DIP2C: variants seen among roughly 807,000 people sequenced by gnomAD.
The protein encoded by DIP2C is DIP2 acetate--CoA ligase C (putative).
A neutral mutation model predicts 192.4 loss-of-function variants in DIP2C; 33 were observed. The ratio of observed to expected loss-of-function variants is 0.17; its 90% CI spans 0.13 to 0.23. The LOEUF is 0.23. DIP2C is among the 10% of genes least tolerant of loss of function. The probability of loss-of-function intolerance (pLI) is 1.00; values close to 1 mark genes in which losing one functional copy is unlikely to be tolerated. For synonymous variants in DIP2C, 979 were observed against 864.1 expected (o/e 1.13, Z -2.33); for missense variants, 1,537 against 2,110.1 (o/e 0.73, Z 5.32).
At chr10:388,256 TA>T (rs1452719976) in intron 13 of DIP2C, among the ~76,000 whole-genome samples, 2 of 151,860 alleles carry the variant, frequency 1.3e-5, no homozygotes, top group South Asian at 2.1e-4. Context: ...GGAGCTGCAA[TA>T]AAAAAAGGAG....
chr10:623,035 A>ATGAT (rs762855112), intron 1 of DIP2C, among the ~76,000 whole-genome samples: 1 of 152,364 alleles, frequency 6.6e-6, no homozygotes, highest in Non-Finnish European at 1.5e-5. Flanking sequence ...TCACAGAGGA[A>ATGAT]TGATTCTGTG....
chr10:674,249 C>T (rs1244450277), intron 1 of DIP2C, among the ~76,000 whole-genome samples: 1 of 152,084 alleles, frequency 6.6e-6, no homozygotes, highest in Non-Finnish European at 1.5e-5. Flanking sequence ...ATAGACTAAA[C>T]ATGAAGGATG....
intron 32 of DIP2C, among the ~76,000 whole-genome samples, chr10:293,354 G>A (rs1050805466): frequency 1.3e-5 from 2 of 152,256 alleles, no homozygotes; most frequent in African/African-American, 4.8e-5. Flanking sequence ...GGAAAGCTGA[G>A]CTGCAGCACA....
At chr10:521,289 CCT>C (rs962206530) in intron 1 of DIP2C, among the ~76,000 whole-genome samples, 178 of 152,332 alleles carry the variant, frequency 1.2e-3, no homozygotes, top group African/African-American at 4.0e-3. Flanking sequence ...GAACACCTCC[CCT>C]GAGGCATCTG....
intron 17 of DIP2C, among the ~76,000 whole-genome samples, chr10:377,482 C>T (rs1175448774): frequency 2.6e-5 from 4 of 152,248 alleles, no homozygotes; most frequent in Admixed American, 1.3e-4. Context: ...GTCTGGGTCA[C>T]GTGATTTTCA....
intron 1 of DIP2C, among the ~76,000 whole-genome samples, chr10:548,611 G>A (rs990442760): frequency 6.6e-6 from 1 of 150,454 alleles, no homozygotes; most frequent in African/African-American, 2.5e-5. Flanking sequence ...CAAGGGTTAT[G>A]GGGGTGACAT....
intron 1 of DIP2C, among the ~76,000 whole-genome samples, chr10:624,877 G>C (rs1280278797): frequency 1.3e-5 from 2 of 152,102 alleles, no homozygotes; most frequent in Non-Finnish European, 2.9e-5. Context: ...GGAGAACCCG[G>C]GGGGGGAGCC....
chr10:469,891 A>G (rs143619867), intron 3 of DIP2C, among the ~76,000 whole-genome samples: 1 of 152,164 alleles, frequency 6.6e-6, no homozygotes, highest in Non-Finnish European at 1.5e-5. Context: ...TCTTCCTTCA[A>G]AATATAGAAG....
chr10:517,085 C>T (rs1221773599), intron 1 of DIP2C, among the ~76,000 whole-genome samples: 1 of 151,892 alleles, frequency 6.6e-6, no homozygotes, highest in Non-Finnish European at 1.5e-5. Flanking sequence ...CAAACGTTGA[C>T]AGACTCCATG....
chr10:636,095 G>A lies in DIP2C; in HGVS notation c.85+53399C>T. ...AATCCACACTACATGTGTGTTTCCA[G>A]CATCAACCTGTGCTCATAGCTACAT... is the stretch of plus-strand genomic sequence containing the variant. On this transcript the variant is annotated intron_variant, in intron 1 of 36. Transcript: ENST00000280886. This position sits in a 1 kb window ranked among gnomAD's most constrained non-coding sequence, Gnocchi z 4.6. Among the ~76,000 whole-genome samples the A allele has an allele frequency of 6.6e-6, 1 of 152,166 alleles. No homozygotes were observed. The highest frequency in any genetic ancestry group is 1.9e-4 in the East Asian group (1 of 5,188).
chr10:525,379 G>T (rs560181322), intron 1 of DIP2C, among the ~76,000 whole-genome samples: 20 of 152,312 alleles, frequency 1.3e-4, no homozygotes, highest in Admixed American at 6.5e-4. Flanking sequence ...CAAAGGCTGA[G>T]ACTCAGCGTA....
intron 5 of DIP2C, among the ~76,000 whole-genome samples, chr10:420,142 A>C (rs1489474235): frequency 6.6e-6 from 1 of 152,238 alleles, no homozygotes; most frequent in Non-Finnish European, 1.5e-5. Context: ...GCTCATCCCC[A>C]AAAGCCTCTC....
intron 29 of DIP2C, 97 bp downstream of exon 29, chr10:341,102 G>T: frequency 1.3e-6 from 2 of 1,540,050 alleles, no homozygotes; most frequent in Non-Finnish European, 8.9e-7. Flanking sequence ...AGGAGTGGGG[G>T]TGTGGGGGCA....
At chr10:359,768 C>T (rs1959224558) in intron 22 of DIP2C, among the ~76,000 whole-genome samples, 1 of 152,136 alleles carries the variant, frequency 6.6e-6, no homozygotes. Flanking sequence ...CAGATAGAAG[C>T]GTCTTCTGAA....
At chr10:670,187 T>C (rs1021918047) in intron 1 of DIP2C, among the ~76,000 whole-genome samples, 7 of 152,126 alleles carry the variant, frequency 4.6e-5, no homozygotes, top group Non-Finnish European at 1.0e-4. Context: ...TGTACACGTG[T>C]GTACATGTGT....
At chr10:537,034 C>A (rs1847732677) in intron 1 of DIP2C, among the ~76,000 whole-genome samples, 1 of 152,238 alleles carries the variant, frequency 6.6e-6, no homozygotes, top group Non-Finnish European at 1.5e-5. Context: ...GCATCTCACC[C>A]CAGGCTCTCC....
chr10:298,102 TTCC>T (rs1164831853), intron 32 of DIP2C, among the ~76,000 whole-genome samples: 2 of 152,210 alleles, frequency 1.3e-5, no homozygotes, highest in African/African-American at 4.8e-5. Context: ...TTACTCAGCC[TTCC>T]TCATTTCCCC....
At chr10:311,182 G>A (rs1280402677) in intron 31 of DIP2C, among the ~76,000 whole-genome samples, 1 of 152,154 alleles carries the variant, frequency 6.6e-6, no homozygotes, top group Non-Finnish European at 1.5e-5. Flanking sequence ...GCTCAGCAAA[G>A]CCGCCCCACA....
chr10:460,711 G>A (rs922955856), intron 3 of DIP2C, among the ~76,000 whole-genome samples: 6 of 152,052 alleles, frequency 3.9e-5, no homozygotes, highest in Non-Finnish European at 7.3e-5. Flanking sequence ...AGAATATCAC[G>A]AAGATACTCC....
Sources: allele counts gnomAD v4.1 joint callset (sites outside exome capture counted in the v4.1 genomes callset), GRCh38; gene constraint gnomAD v4.1.1; non-coding constraint Gnocchi (gnomAD v3.1); transcripts MANE v1.5; gene names NCBI Gene and HGNC (gene_info 2026-07-23, HGNC 2026-07-21).